ZNF569: variants seen among roughly 807,000 people sequenced by gnomAD.
ZNF569 encodes the protein zinc finger protein 569.
A neutral mutation model predicts 56.3 loss-of-function variants in ZNF569; 38 were observed. The observed-to-expected ratio is 0.68, with a 90% CI of 0.52 to 0.88. The LOEUF (loss-of-function observed/expected upper bound fraction) is 0.88, where lower values mean the gene tolerates loss of function less well. Ranked by LOEUF, ZNF569 falls within the 40% of genes least tolerant of loss-of-function variation. The probability of loss-of-function intolerance (pLI) is 0.00; values close to 1 mark genes in which losing one functional copy is unlikely to be tolerated. For missense variants in ZNF569, 666 were observed against 809.2 expected (o/e 0.82, Z 2.15); for synonymous variants, 241 against 262.9 (o/e 0.92, Z 0.81).
chr19:37,430,593 A>T (rs1252732624), intron 3 of ZNF569, among the ~76,000 whole-genome samples: 1 of 152,184 alleles, frequency 6.6e-6, no homozygotes, highest in East Asian at 1.9e-4. Context: ...AGAAAAAAAA[A>T]ACTATCAGAG....
chr19:37,469,060 G>T, upstream of ZNF569: 1 of 997,058 alleles, frequency 1.0e-6, no homozygotes, highest in Non-Finnish European at 1.2e-6. Flanking sequence ...TTGTGCCTGC[G>T]CACTTCCACA....
upstream of ZNF569, chr19:37,468,033 A>C: frequency 9.3e-7 from 1 of 1,080,336 alleles, no homozygotes; most frequent in Non-Finnish European, 1.4e-6. Flanking sequence ...TAGCTGTGTC[A>C]TCTCAGACTA....
chr19:37,468,749 G>T (rs912911948), upstream of ZNF569, among the ~76,000 whole-genome samples: 1 of 152,116 alleles, frequency 6.6e-6, no homozygotes, highest in Non-Finnish European at 1.5e-5. Context: ...CTCGTGATCT[G>T]CCCACCTTGG....
chr19:37,440,832 C>A (rs1397045426), intron 3 of ZNF569, among the ~76,000 whole-genome samples: 2 of 152,098 alleles, frequency 1.3e-5, no homozygotes, highest in Non-Finnish European at 2.9e-5. Context: ...AGAAGTGAAC[C>A]TTTTATTTGT....
intron 2 of ZNF569, among the ~76,000 whole-genome samples, chr19:37,457,904 G>A (rs1296729731): frequency 6.6e-6 from 1 of 152,036 alleles, no homozygotes; most frequent in Non-Finnish European, 1.5e-5. Flanking sequence ...TTTGGAGACA[G>A]AGTCTCGCTC....
chr19:37,427,866 G>A lies in ZNF569; in HGVS notation c.16-1488C>T, dbSNP rs116674139. ...AGTGGGACTGAGGAGAAAGCATGAT[G>A]TGGAAATCTGGCCCTGGTATAATAG... On this transcript the variant is annotated intron_variant, in intron 3 of 5. Transcript: ENST00000316950. 2.8e-3 allele frequency: 1,396 copies of A among 505,134 alleles called. 18 individuals are homozygous for A. Among genetic ancestry groups the A allele is most frequent in the African/African-American group, 0.024 (1,237 of 51,820 alleles). 31.3% of individuals were successfully genotyped at this position (505,134 alleles called of 1,614,324 possible). A position where few individuals can be genotyped will look rare whatever the true frequency, so the allele number is the denominator to read the frequency against.
At chr19:37,416,629 ATAATT>A (rs2040938345) in intron 5 of ZNF569, among the ~76,000 whole-genome samples, 1 of 152,196 alleles carries the variant, frequency 6.6e-6, no homozygotes, top group South Asian at 2.1e-4. Context: ...TTGTTATACT[ATAATT>A]TAAAATTTGT....
chr19:37,429,587 G>A (rs2041192795), intron 3 of ZNF569, among the ~76,000 whole-genome samples: 1 of 152,206 alleles, frequency 6.6e-6, no homozygotes, highest in South Asian at 2.1e-4. Flanking sequence ...TCCTCTTTAA[G>A]GGAATCCACT....
intron 3 of ZNF569, among the ~76,000 whole-genome samples, chr19:37,438,378 C>G (rs185187244): frequency 2.0e-5 from 3 of 152,090 alleles, no homozygotes; most frequent in African/African-American, 7.2e-5. Context: ...AGAGCAAGAT[C>G]CTGTCACAAA....
intron 3 of ZNF569, among the ~76,000 whole-genome samples, chr19:37,440,190 C>G (rs995383000): frequency 6.6e-6 from 1 of 151,828 alleles, no homozygotes; most frequent in Non-Finnish European, 1.5e-5. Flanking sequence ...ACACCTACTA[C>G]GTATCCACAA....
rs532768907 is a variant in ZNF569, at chr19:37,437,013, A to G, written c.15+7894T>C. ...TGATACGAAAACCAGACCAAGACAC[A>G]TCAAAAAAAAAAAAAAAAAGAAAGC... is the stretch of plus-strand genomic sequence containing the variant. On this transcript the variant is annotated intron_variant, in intron 3 of 5. Transcript: ENST00000316950. Among the ~76,000 whole-genome samples the G allele has an allele frequency of 4.0e-3, 548 of 138,134 alleles. 2 individuals carry two copies. Among genetic ancestry groups the G allele is most frequent in the African/African-American group, 0.014 (505 of 35,772 alleles). The allele number at this position is 138,134 out of a possible 152,430, so 90.6% of individuals were successfully genotyped here. A position where few individuals can be genotyped will look rare whatever the true frequency, so the allele number is the denominator to read the frequency against.
At chr19:37,441,742 A>G (rs1323131055) in intron 3 of ZNF569, among the ~76,000 whole-genome samples, 1 of 152,182 alleles carries the variant, frequency 6.6e-6, no homozygotes, top group Non-Finnish European at 1.5e-5. Context: ...TGACAGATTC[A>G]GAGAGATCTA....
rs564569144 is a variant in ZNF569, at chr19:37,423,948, T to A, written c.238+1920A>T. On this transcript the variant is annotated intron_variant, in intron 5 of 5. Coordinates refer to ENST00000316950, the MANE Select transcript of ZNF569 (RefSeq NM_152484.3). The stretch of plus-strand genomic sequence containing the variant: ...AGTCTCTTTGGAGGGCAAAAATGAC[T>A]TTATAAAATTCAAAATACGTGTATA... Among the ~76,000 whole-genome samples the A allele has an allele frequency of 3.3e-5, 5 of 152,280 alleles. No individual in the cohort carries two copies. In the South Asian group the frequency reaches 1.0e-3, roughly 32 times the overall value.
rs760040745 is a variant in ZNF569 at position 37,414,088 on chromosome 19, A to G, written c.570T>C (p.His190=). 3.4e-5 allele frequency: 55 copies of G among 1,613,676 alleles called. No individual in the cohort carries two copies. The highest frequency in any genetic ancestry group is 4.2e-5 in the Non-Finnish European group (50 of 1,179,910). Residue 190 remains histidine (H), a synonymous_variant, in exon 6 of 6, where the codon CAT becomes CAC. Transcript: ENST00000316950. ...AAGTCTGATTGAAGCCTTTTCCACA[A>G]TGATTACACTTAAAGGGGGTAATGA... is the stretch of plus-strand genomic sequence containing the variant. The part of the protein sequence containing the change: ...HFVITPFKCN[H]CGKGFNQTLD...
chr19:37,446,872 A>G (rs770062434), intron 2 of ZNF569, among the ~76,000 whole-genome samples: 2 of 152,194 alleles, frequency 1.3e-5, no homozygotes, highest in Non-Finnish European at 2.9e-5. Flanking sequence ...AAAAAGGACT[A>G]ATACTCAGAA....
chr19:37,427,283 C>T (rs772889645), intron 3 of ZNF569, among the ~76,000 whole-genome samples: 1 of 151,790 alleles, frequency 6.6e-6, no homozygotes, highest in Non-Finnish European at 1.5e-5. Flanking sequence ...CACCACTACA[C>T]TCCAGCCTGG....
At chr19:37,419,646 C>G (rs1973207408) in intron 5 of ZNF569, among the ~76,000 whole-genome samples, 1 of 151,946 alleles carries the variant, frequency 6.6e-6, no homozygotes, top group Non-Finnish European at 1.5e-5. Flanking sequence ...TCGTTTGAAC[C>G]TGGGAGGTGG....
chr19:37,462,445 T>C (rs998791916), intron 2 of ZNF569, among the ~76,000 whole-genome samples: 1 of 151,422 alleles, frequency 6.6e-6, no homozygotes, highest in Non-Finnish European at 1.5e-5. Context: ...TCTTCAAGAG[T>C]TGTCTAGACT....
chr19:37,414,221 A>C lies in ZNF569; in HGVS notation c.437T>G (p.Leu146Ter). The C allele has an allele frequency of 6.2e-7, 1 of 1,613,280 alleles. No individual in the cohort carries two copies. Among genetic ancestry groups the C allele is most frequent in the Non-Finnish European group, 8.5e-7 (1 of 1,179,684 alleles). Reference protein sequence around the residue: ...LYEYDLFGKCLEHNFDCHNNV... With the variant: ...LYEYDLFGKC ...ATTATGACAGTCAAAATTATGTTCT[A>C]AACACTTTCCAAATAAGTCATACTC... The change falls in exon 6 of 6, where the codon TTA becomes TGA. Residue 146 changes from leucine (L) to a stop codon, truncating the protein, a stop_gained. Coordinates refer to ENST00000316950, the MANE Select transcript of ZNF569 (RefSeq NM_152484.3). LOFTEE classifies it high-confidence loss of function.
Sources: allele counts gnomAD v4.1 joint callset (sites outside exome capture counted in the v4.1 genomes callset), GRCh38; gene constraint gnomAD v4.1.1; transcripts MANE v1.5; gene names NCBI Gene and HGNC (gene_info 2026-07-23, HGNC 2026-07-21).